Variants in CBY1 observed in about 807,000 individuals in gnomAD.
CBY1 encodes the protein protein chibby homolog 1.
A neutral mutation model predicts 15.6 loss-of-function variants in CBY1; 10 were observed. The ratio of observed to expected loss-of-function variants is 0.64; its 90% CI spans 0.40 to 1.09. The LOEUF is 1.09. Among genes scored for constraint, CBY1 ranks in the 50% least tolerant of loss-of-function variants. CBY1 has a pLI of 0.01. For synonymous variants in CBY1, 61 were observed against 63.5 expected, an observed-to-expected ratio of 0.96 and a Z score of 0.19; for missense variants, 150 against 160.5, an observed-to-expected ratio of 0.93 and a Z score of 0.35.
intron 1 of CBY1, among the ~76,000 whole-genome samples, chr22:38,664,789 A>G (rs1276415580): frequency 6.6e-6 from 1 of 152,208 alleles, no homozygotes; most frequent in Non-Finnish European, 1.5e-5. Flanking sequence ...GTATGGAACC[A>G]GAAAAGTGTA....
chr22:38,670,593 G>A (rs2092449662), intron 2 of CBY1: 3 of 286,990 alleles, frequency 1.0e-5, no homozygotes, highest in Non-Finnish European at 2.0e-5. Flanking sequence ...GTTTATAGTA[G>A]GATTGCTTAA....
Position 38,662,309 on chromosome 22 carries a change from A to T in CBY1, c.-39+5559A>T, listed in dbSNP as rs188104855. Reference sequence around the variant, plus strand: ...AGAATGAGACTCTGTCTCAAAAAAAAAAATAAATAAATAAATAAAATAAAA... The same window carrying T: ...AGAATGAGACTCTGTCTCAAAAAAATAAATAAATAAATAAATAAAATAAAA... On this transcript the variant is annotated intron_variant, in intron 1 of 4. Coordinates refer to ENST00000216029, the MANE Select transcript of CBY1 (RefSeq NM_015373.4). 4.0e-3 allele frequency among the ~76,000 whole-genome samples: 600 copies of T among 151,848 alleles called. 3 individuals are homozygous for T. The highest frequency in any genetic ancestry group is 0.01 in the African/African-American group (420 of 41,458).
Position 38,673,519 on chromosome 22 carries a change from C to T in CBY1, c.*283C>T, listed in dbSNP as rs1479769982. On this transcript the variant is annotated 3_prime_UTR_variant, in exon 5 of 5. Coordinates refer to ENST00000216029, the MANE Select transcript of CBY1 (RefSeq NM_015373.4). ...GATGAGCTTTTTGGTGCTCTCCACA[C>T]ACAAGCTCGCAAACACACATGTCCC... 8.7e-6 allele frequency: 3 copies of T among 344,512 alleles called. No individual in the cohort carries two copies. In the East Asian group the frequency reaches 1.8e-4, roughly 21 times the overall value. 21.3% of individuals were successfully genotyped at this position (344,512 alleles called of 1,614,324 possible). A position where few individuals can be genotyped will look rare whatever the true frequency, so the allele number is the denominator to read the frequency against.
At chr22:38,662,976 T>G (rs1179398610) in intron 1 of CBY1, among the ~76,000 whole-genome samples, 1 of 151,802 alleles carries the variant, frequency 6.6e-6, no homozygotes, top group Non-Finnish European at 1.5e-5. Flanking sequence ...AAACATTAGT[T>G]GGGTGTGGTG....
intron 1 of CBY1, chr22:38,657,083 C>T: frequency 3.1e-6 from 3 of 978,524 alleles, no homozygotes; most frequent in Non-Finnish European, 3.6e-6. Context: ...TTGGGGGACA[C>T]GTATATCTTT....
intron 4 of CBY1, among the ~76,000 whole-genome samples, chr22:38,672,355 C>T (rs2092455139): frequency 6.6e-6 from 1 of 151,826 alleles, no homozygotes; most frequent in Admixed American, 6.6e-5. Flanking sequence ...GAGTCTCGCT[C>T]TGTAGCCTGG....
At chr22:38,672,060 G>C (rs1459473209) in intron 4 of CBY1, among the ~76,000 whole-genome samples, 1 of 151,528 alleles carries the variant, frequency 6.6e-6, no homozygotes, top group African/African-American at 2.4e-5. Context: ...TCAGGAGTTC[G>C]AGACCAGCCT....
chr22:38,673,082 G>A (rs1341321080), intron 4 of CBY1, 77 bp from the exon 5 acceptor site: 2 of 973,854 alleles, frequency 2.1e-6, no homozygotes, highest in Non-Finnish European at 3.2e-6. Context: ...TTTCCTCCGT[G>A]TGTAGGGCCG....
chr22:38,658,646 T>G (rs2092412819), intron 1 of CBY1, among the ~76,000 whole-genome samples: 1 of 151,572 alleles, frequency 6.6e-6, no homozygotes, highest in Non-Finnish European at 1.5e-5. Context: ...CAGGCTAATT[T>G]TTTGTATTTT....
chr22:38,666,654 T>C (rs1202904702), intron 1 of CBY1: 1 of 152,128 alleles, frequency 6.6e-6, no homozygotes, highest in African/African-American at 2.4e-5. Flanking sequence ...AGCACTGTTA[T>C]CAATCTGGAA....
At chr22:38,665,642 A>G (rs548674520) in intron 1 of CBY1, 30 of 849,934 alleles carry the variant, frequency 3.5e-5, no homozygotes, top group Non-Finnish European at 4.5e-5. Context: ...AGCCAGATGC[A>G]AACGAGGACT....
intron 1 of CBY1, among the ~76,000 whole-genome samples, chr22:38,659,588 C>T (rs1291120167): frequency 1.3e-5 from 2 of 152,080 alleles, no homozygotes; most frequent in East Asian, 2.0e-4. Flanking sequence ...GCTGGCCGGG[C>T]ACGGTGGCTC....
intron 1 of CBY1, among the ~76,000 whole-genome samples, chr22:38,659,134 C>G (rs1296621289): frequency 6.6e-6 from 1 of 151,970 alleles, no homozygotes; most frequent in Non-Finnish European, 1.5e-5. Flanking sequence ...TGCGGTTTTG[C>G]CATGTTGGCC....
chr22:38,662,728 T>A (rs1036099543), intron 1 of CBY1, among the ~76,000 whole-genome samples: 3 of 152,148 alleles, frequency 2.0e-5, no homozygotes, highest in African/African-American at 7.2e-5. Context: ...ACTCCTGGAC[T>A]CAAGTTATTT....
chr22:38,659,932 T>A (rs2092417403), intron 1 of CBY1, among the ~76,000 whole-genome samples: 1 of 151,904 alleles, frequency 6.6e-6, no homozygotes, highest in African/African-American at 2.4e-5. Flanking sequence ...GGATTGTTTC[T>A]TATTTTTTAC....
At position 38,673,318 on chromosome 22, in the gene CBY1, G is replaced by A. The variant is rs1293483465; in HGVS notation, c.*82G>A. On this transcript the variant is annotated 3_prime_UTR_variant, in exon 5 of 5. Coordinates refer to ENST00000216029, the MANE Select transcript of CBY1 (RefSeq NM_015373.4). ...CAGACTAGCGGATTCAGTCCTGGAAGAGAGTATCATATAATGAGACCCACA... is the reference window on the plus strand; with the variant it reads ...CAGACTAGCGGATTCAGTCCTGGAAAAGAGTATCATATAATGAGACCCACA... 3 of 876,672 alleles carry A rather than the reference G, an allele frequency of 3.4e-6. No homozygotes were observed. The highest frequency in any genetic ancestry group is 5.7e-6 in the Non-Finnish European group (3 of 521,762). 54.3% of individuals were successfully genotyped at this position (876,672 alleles called of 1,614,324 possible).
chr22:38,672,608 G>A (rs977394473), intron 4 of CBY1, among the ~76,000 whole-genome samples: 4 of 151,880 alleles, frequency 2.6e-5, no homozygotes, highest in African/African-American at 9.7e-5. Context: ...GAGCCACCAC[G>A]CCCGGCCTGG....
chr22:38,671,565 T>C, intron 4 of CBY1: 2 of 280,564 alleles, frequency 7.1e-6, no homozygotes, highest in Non-Finnish European at 7.0e-6. Context: ...AGCCGGCTCA[T>C]GGCTTGGAAG....
intron 2 of CBY1, chr22:38,670,409 A>G (rs1374932680): frequency 6.5e-6 from 1 of 152,744 alleles, no homozygotes; most frequent in Non-Finnish European, 1.5e-5. Context: ...AAAAAAAAAA[A>G]GAAAAGAAAA....
Sources: allele counts gnomAD v4.1 joint callset (sites outside exome capture counted in the v4.1 genomes callset), GRCh38; gene constraint gnomAD v4.1.1; transcripts MANE v1.5; gene names NCBI Gene and HGNC (gene_info 2026-07-23, HGNC 2026-07-21).